MYLK4: variants seen among roughly 807,000 people sequenced by gnomAD.
The protein encoded by MYLK4 is myosin light chain kinase family member 4, also known as caMLCK like.
In MYLK4, 46 loss-of-function variants were observed where a neutral mutation model predicts 48.1. The observed-to-expected ratio is 0.96, with a 90% CI of 0.75 to 1.22. The LOEUF is 1.22. Among genes scored for constraint, MYLK4 ranks in the 50% most tolerant of loss-of-function variants. MYLK4 has a pLI of 0.00. For missense variants in MYLK4, 451 were observed against 486.1 expected (o/e 0.93, Z 0.68); for synonymous variants, 170 against 180.8 (o/e 0.94, Z 0.48).
chr6:2,702,545 G>T (rs763762887), intron 2 of MYLK4, among the ~76,000 whole-genome samples: 4 of 152,190 alleles, frequency 2.6e-5, no homozygotes, highest in Non-Finnish European at 5.9e-5. Flanking sequence ...CAAAGTCTCA[G>T]ACTGGAGGGA....
chr6:2,689,308 A>C (rs2113156319), intron 3 of MYLK4, among the ~76,000 whole-genome samples: 1 of 152,358 alleles, frequency 6.6e-6, no homozygotes, highest in Non-Finnish European at 1.5e-5. Context: ...AACATGAGAA[A>C]TTGTTTGATT....
At chr6:2,765,827 G>T in the MYLK4 span, 4 of 1,363,582 alleles carry the variant, frequency 2.9e-6, no homozygotes, top group Admixed American at 1.0e-4. Flanking sequence ...GCCGCCCGGC[G>T]CCAAGAGGCG....
the MYLK4 span, chr6:2,768,935 AGT>A: frequency 2.6e-6 from 4 of 1,527,302 alleles, no homozygotes; most frequent in Non-Finnish European, 3.5e-6. Flanking sequence ...AACAATATAA[AGT>A]GTGTGAGATC....
intron 2 of MYLK4, among the ~76,000 whole-genome samples, chr6:2,740,624 C>G (rs1763868396): frequency 6.6e-6 from 1 of 152,190 alleles, no homozygotes; most frequent in Admixed American, 6.5e-5. Context: ...CACCTATTCC[C>G]TGGAGTCAGT....
Position 2,683,137 on chromosome 6 carries a change from G to T in MYLK4, c.571C>A (p.Arg191Ser), listed in dbSNP as rs1227482054. ...AAATTGTAGCTCTCATCGATGATGC[G>T]GTCAAACAGCTCCCCACCATCCACA... ...EYVDGGELFDRIIDESYNLTE... is the reference protein window; with the variant it reads ...EYVDGGELFDSIIDESYNLTE... Residue 191 changes from arginine to serine, a missense_variant, in exon 7 of 13, where the codon CGC becomes AGC. Arg to Ser is a moderately radical substitution (Grantham distance 110). Transcript: ENST00000274643. The T allele has an allele frequency of 6.2e-7, 1 of 1,613,908 alleles. No homozygotes were observed. Among genetic ancestry groups the T allele is most frequent in the Non-Finnish European group, 8.5e-7 (1 of 1,180,020 alleles).
In MYLK4 at chr6:2,685,637, G is replaced by T; in HGVS notation, c.342-61C>A. On this transcript the variant is annotated intron_variant, in intron 4 of 12. Transcript: ENST00000274643. This position sits in a 1 kb window ranked among gnomAD's most constrained non-coding sequence, Gnocchi z 4.5. Reference sequence around the variant, plus strand: ...TGTGGTCAGCTGCCGAGTGGACAGCGCACAGTGGCCCCAGTATTTCTCCTG... The same window carrying T: ...TGTGGTCAGCTGCCGAGTGGACAGCTCACAGTGGCCCCAGTATTTCTCCTG... 6.9e-7 allele frequency: 1 copy of T among 1,458,476 alleles called. No homozygotes were observed. The highest frequency in any genetic ancestry group is 9.6e-7 in the Non-Finnish European group (1 of 1,043,382). 90.3% of individuals were successfully genotyped at this position (1,458,476 alleles called of 1,614,324 possible). A position where few individuals can be genotyped will look rare whatever the true frequency, so the allele number is the denominator to read the frequency against.
upstream of MYLK4, among the ~76,000 whole-genome samples, chr6:2,755,905 T>C (rs1304044359): frequency 6.6e-6 from 1 of 152,242 alleles, no homozygotes; most frequent in Non-Finnish European, 1.5e-5. Flanking sequence ...TGTATCTTTT[T>C]CAGAACATCA....
At chr6:2,765,723 C>A in the MYLK4 span, 1 of 1,534,984 alleles carries the variant, frequency 6.5e-7, no homozygotes. Flanking sequence ...CACATCAACT[C>A]GCACCTGGAC....
At chr6:2,763,696 C>G in the MYLK4 span, among the ~76,000 whole-genome samples, 2 of 152,240 alleles carry the variant, frequency 1.3e-5, no homozygotes, top group Admixed American at 6.5e-5. Context: ...GGCCTTGGCC[C>G]GCCCAGGAAA....
intron 2 of MYLK4, among the ~76,000 whole-genome samples, chr6:2,722,607 G>A (rs1763112130): frequency 6.7e-6 from 1 of 150,314 alleles, no homozygotes; most frequent in Non-Finnish European, 1.5e-5. Context: ...CTCTACAGAA[G>A]TCAATTTTCA....
At chr6:2,696,000 C>T (rs1013840836) in intron 2 of MYLK4, among the ~76,000 whole-genome samples, 2 of 152,210 alleles carry the variant, frequency 1.3e-5, no homozygotes, top group Non-Finnish European at 2.9e-5. Flanking sequence ...GAATTCACAT[C>T]GATGGCTGGG....
intron 2 of MYLK4, among the ~76,000 whole-genome samples, chr6:2,716,976 G>A (rs2113271933): frequency 6.6e-6 from 1 of 152,294 alleles, no homozygotes; most frequent in African/African-American, 2.4e-5. Flanking sequence ...GGGTATCAAG[G>A]CTCTAAAGTG....
Position 2,685,259 on chromosome 6 carries a change from T to C in MYLK4, c.545+37A>G. On this transcript the variant is annotated intron_variant, in intron 6 of 12. Coordinates refer to ENST00000274643, the MANE Select transcript of MYLK4 (RefSeq NM_001012418.5). The surrounding 1 kb of genome is among the most constrained non-coding windows in gnomAD (Gnocchi z 4.5). ...GGCACGGTCACGGTCATGAGTGCCC[T>C]TGGGGAGGTCAGGGAGGGGGCGGAG... 1 of 1,506,650 alleles carries C rather than the reference T, an allele frequency of 6.6e-7. No homozygotes were observed. The highest frequency in any genetic ancestry group is 9.2e-7 in the Non-Finnish European group (1 of 1,085,144). The allele number at this position is 1,506,650 out of a possible 1,614,324, so 93.3% of individuals were successfully genotyped here. A position where few individuals can be genotyped will look rare whatever the true frequency, so the allele number is the denominator to read the frequency against.
intron 6 of MYLK4, among the ~76,000 whole-genome samples, chr6:2,683,845 A>T (rs1356958321): frequency 2.0e-5 from 3 of 152,184 alleles, no homozygotes; most frequent in African/African-American, 7.2e-5. Flanking sequence ...GACTGAAGGT[A>T]GTCAGGGTCT....
chr6:2,684,730 A>T (rs905390302), intron 6 of MYLK4, among the ~76,000 whole-genome samples: 1 of 152,178 alleles, frequency 6.6e-6, no homozygotes, highest in African/African-American at 2.4e-5. Context: ...TATTTAAAGT[A>T]CTCGGGGGGA....
intron 2 of MYLK4, among the ~76,000 whole-genome samples, chr6:2,721,464 C>T (rs1042276108): frequency 6.6e-6 from 1 of 152,194 alleles, no homozygotes; most frequent in East Asian, 1.9e-4. Context: ...CAATTTCTTT[C>T]AGTAGAAAGT....
chr6:2,671,465 A>T lies in MYLK4; in HGVS notation c.1120-117T>A, dbSNP rs374963924. On this transcript the variant is annotated intron_variant, in intron 11 of 12. Coordinates refer to ENST00000274643, the MANE Select transcript of MYLK4 (RefSeq NM_001012418.5). Reference sequence around the variant, plus strand: ...CTGAGGAGAAGGTGCTCTTCAAGAGAAGTTCTTGAAGCCTACATTCCCGAC... The same window carrying T: ...CTGAGGAGAAGGTGCTCTTCAAGAGTAGTTCTTGAAGCCTACATTCCCGAC... 548 of 911,562 alleles carry T rather than the reference A, an allele frequency of 6.0e-4. 2 individuals carry two copies. In the South Asian group the frequency reaches 8.1e-3, roughly 13 times the overall value. 56.5% of individuals were successfully genotyped at this position (911,562 alleles called of 1,614,324 possible).
At chr6:2,670,844 G>A (rs2113080165) in intron 12 of MYLK4, among the ~76,000 whole-genome samples, 1 of 152,104 alleles carries the variant, frequency 6.6e-6, no homozygotes, top group East Asian at 1.9e-4. Context: ...TGGCCGTGGG[G>A]GTGTCTCTGA....
chr6:2,762,860 G>A, the MYLK4 span, among the ~76,000 whole-genome samples: 5 of 152,156 alleles, frequency 3.3e-5, no homozygotes, highest in Non-Finnish European at 7.4e-5. Context: ...CTGCCAGTGG[G>A]TTCAGTGGGT....
Sources: gnomAD v4.1 joint callset for allele counts (sites outside exome capture counted in the v4.1 genomes callset) on GRCh38, gnomAD v4.1.1 for gene constraint, Gnocchi (gnomAD v3.1) non-coding constraint, MANE v1.5 for transcripts, NCBI Gene and HGNC (gene_info 2026-07-23, HGNC 2026-07-21) for gene names.